The following CTPS2 variants were observed in gnomAD, a reference collection of about 807,000 sequenced individuals.
CTPS2 encodes CTP synthase 2.
CTPS2 carries 19 observed loss-of-function variants against 46.8 expected under a neutral mutation model. The observed-to-expected ratio is 0.41, with a 90% confidence interval of 0.28 to 0.60. The LOEUF (loss-of-function observed/expected upper bound fraction) is 0.60, where lower values mean the gene tolerates loss of function less well. Ranked by LOEUF, CTPS2 falls within the 20% of genes least tolerant of loss-of-function variation. The probability of loss-of-function intolerance (pLI) is 0.35; values close to 1 mark genes in which losing one functional copy is unlikely to be tolerated. For synonymous variants in CTPS2, 151 were observed against 165.2 expected (o/e 0.91, Z 0.66); for missense variants, 286 against 447.6 (o/e 0.64, Z 3.26).
intron 17 of CTPS2, among the ~76,000 whole-genome samples, chrX:16,608,230 T>A (rs67651445): frequency 0.073 from 8,056 of 109,636 alleles, 455 homozygotes; most frequent in African/African-American, 0.19. Context: ...ATAAATAAAT[T>A]AATTTAATTT....
chrX:16,617,437 A>T (rs1476131990), intron 15 of CTPS2, among the ~76,000 whole-genome samples, 191 bp from the exon 16 acceptor site: 1 of 111,680 alleles, frequency 9.0e-6, no homozygotes, highest in Non-Finnish European at 1.9e-5. Context: ...ACAGCACCTA[A>T]ATCTAGGAGG....
In CTPS2 at chrX:16,588,185, C is replaced by A. The variant is rs889492902; in HGVS notation, c.*1632G>T. 3.6e-5 allele frequency: 4 copies of A among 111,563 alleles called. No homozygotes were observed. The highest frequency in any genetic ancestry group is 1.3e-4 in the African/African-American group (4 of 30,605). The allele number at this position is 111,563 out of a possible 1,213,427, so 9.2% of individuals were successfully genotyped here. A position where few individuals can be genotyped will look rare whatever the true frequency, so the allele number is the denominator to read the frequency against. ...CAAAAGACTTCCCAGACAAAGCACG[C>A]GAAGGGTAGAGGATATAGGTTAGCA... On this transcript the variant is annotated 3_prime_UTR_variant, in exon 19 of 19. Coordinates refer to ENST00000359276, the MANE Select transcript of CTPS2 (RefSeq NM_175859.3).
chrX:16,669,626 G>T (rs1190842513), intron 11 of CTPS2, among the ~76,000 whole-genome samples: 1 of 110,271 alleles, frequency 9.1e-6, no homozygotes, highest in African/African-American at 3.3e-5. Flanking sequence ...AGAAAACAAG[G>T]TATCCAGGTA....
intron 14 of CTPS2, among the ~76,000 whole-genome samples, chrX:16,630,523 G>A (rs779921068): frequency 9.1e-6 from 1 of 110,382 alleles, no homozygotes; most frequent in East Asian, 2.9e-4. Flanking sequence ...CAAAGTGCTG[G>A]GATTACAGGT....
At position 16,689,370 on chromosome X, in the gene CTPS2, T is replaced by A. The variant is rs370183591; in HGVS notation, c.872+80A>T. On this transcript the variant is annotated intron_variant, in intron 8 of 18. Transcript: ENST00000359276. ...CACGCAAAATGCCAAATACACACGCTTACCCTTTCAAGTAGGTCTTAGTTC... is the reference window on the plus strand; with the variant it reads ...CACGCAAAATGCCAAATACACACGCATACCCTTTCAAGTAGGTCTTAGTTC... 323 of 1,026,165 alleles carry A rather than the reference T, an allele frequency of 3.1e-4. 1 individual carries two copies. In the East Asian group the frequency reaches 6.5e-3, roughly 20 times the overall value. 84.6% of individuals were successfully genotyped at this position (1,026,165 alleles called of 1,213,427 possible).
chrX:16,667,376 C>T (rs1400947865), intron 13 of CTPS2, 138 bp downstream of exon 13: 29 of 600,382 alleles, frequency 4.8e-5, no homozygotes, highest in South Asian at 5.3e-5. Context: ...TCAAGTGATC[C>T]GCCCGCCTTG....
At chrX:16,701,613 T>C (rs893298808) in intron 2 of CTPS2, among the ~76,000 whole-genome samples, 1 of 107,834 alleles carries the variant, frequency 9.3e-6, no homozygotes, top group African/African-American at 3.4e-5. Context: ...ACATTTTTTT[T>C]TTTTTTGAGA....
intron 17 of CTPS2, among the ~76,000 whole-genome samples, chrX:16,598,419 A>G (rs1465681665): frequency 8.9e-6 from 1 of 112,141 alleles, no homozygotes; most frequent in African/African-American, 3.2e-5. Flanking sequence ...ATCAGAGATT[A>G]CTACAAACAC....
intron 14 of CTPS2, among the ~76,000 whole-genome samples, chrX:16,624,128 A>C (rs1460263923): frequency 9.0e-6 from 1 of 110,850 alleles, no homozygotes; most frequent in Non-Finnish European, 1.9e-5. Flanking sequence ...CTAGCAGATA[A>C]GCAGGTACTC....
At chrX:16,671,226 T>C (rs1015839624) in intron 10 of CTPS2, among the ~76,000 whole-genome samples, 5 of 111,516 alleles carry the variant, frequency 4.5e-5, no homozygotes, top group Non-Finnish European at 9.4e-5. Context: ...AAGAGTTCTG[T>C]CAATTACTTA....
chrX:16,612,071 TG>T (rs1285473064), intron 16 of CTPS2, among the ~76,000 whole-genome samples: 1 of 112,118 alleles, frequency 8.9e-6, no homozygotes, highest in Non-Finnish European at 1.9e-5. Flanking sequence ...TGTGAATGAA[TG>T]GATCATTGCT....
chrX:16,636,600 G>A (rs756389988), intron 14 of CTPS2, among the ~76,000 whole-genome samples: 1 of 111,550 alleles, frequency 9.0e-6, no homozygotes, highest in South Asian at 3.8e-4. Flanking sequence ...TTGCGGTGAT[G>A]GTTGCACAAT....
chrX:16,677,406 C>T (rs900697182), intron 10 of CTPS2, among the ~76,000 whole-genome samples: 1 of 111,271 alleles, frequency 9.0e-6, no homozygotes, highest in Non-Finnish European at 1.9e-5. Context: ...TCTTCTCTAC[C>T]CCAAATACAA....
chrX:16,667,600 G>A (rs774008404), intron 12 of CTPS2, 43 bp from the exon 13 acceptor site: 2 of 1,204,130 alleles, frequency 1.7e-6, no homozygotes, highest in South Asian at 1.8e-5. Context: ...CAATAGTGCT[G>A]AAAAATATTT....
chrX:16,709,251 A>G (rs1925262484), intron 1 of CTPS2, among the ~76,000 whole-genome samples: 1 of 110,184 alleles, frequency 9.1e-6, no homozygotes, highest in East Asian at 2.9e-4. Flanking sequence ...AACATGGGGA[A>G]ACCCCATCTC....
At chrX:16,603,461 C>T (rs1002432933) in intron 17 of CTPS2, among the ~76,000 whole-genome samples, 1 of 65,498 alleles carries the variant, frequency 1.5e-5, no homozygotes, top group East Asian at 4.1e-4. Context: ...ATAAATAAAA[C>T]CAAAATGGAG....
intron 16 of CTPS2, among the ~76,000 whole-genome samples, chrX:16,614,106 A>T (rs867750741): frequency 9.0e-6 from 1 of 110,873 alleles, no homozygotes; most frequent in South Asian, 4.0e-4. Context: ...TGATGAGCTT[A>T]AAAAAAAATT....
chrX:16,605,988 G>T (rs1929950029), intron 17 of CTPS2, among the ~76,000 whole-genome samples: 2 of 112,283 alleles, frequency 1.8e-5, no homozygotes, highest in South Asian at 3.7e-4. Context: ...AAGTAGCTGA[G>T]AATTTAGCTC....
intron 4 of CTPS2, among the ~76,000 whole-genome samples, chrX:16,694,150 C>T (rs1299004196): frequency 9.0e-6 from 1 of 111,572 alleles, no homozygotes; most frequent in Non-Finnish European, 1.9e-5. Context: ...GGCGACAGAG[C>T]GAGACTCCAT....
Sources: allele counts gnomAD v4.1 joint callset (sites outside exome capture counted in the v4.1 genomes callset), GRCh38; gene constraint gnomAD v4.1.1; transcripts MANE v1.5; gene names NCBI Gene and HGNC (gene_info 2026-07-23, HGNC 2026-07-21).